The following TTBK1 variants were observed in gnomAD, a reference collection of about 807,000 sequenced individuals.
TTBK1 encodes tau-tubulin kinase 1.
TTBK1 carries 34 observed loss-of-function variants against 108.5 expected under a neutral mutation model. That is an observed-to-expected ratio of 0.31 (90% confidence interval 0.24 to 0.42). TTBK1 has a LOEUF of 0.42. Among genes scored for constraint, TTBK1 ranks in the 10% least tolerant of loss-of-function variants. The pLI is 1.00. For synonymous variants in TTBK1, 809 were observed against 795.1 expected, an observed-to-expected ratio of 1.02 and a Z score of -0.29; for missense variants, 1,539 against 1,826.0, an observed-to-expected ratio of 0.84 and a Z score of 2.86.
chr6:43,255,098 A>G lies in TTBK1; in HGVS notation c.626A>G (p.Asn209Ser). 1 of 1,569,900 alleles carries G rather than the reference A, an allele frequency of 6.4e-7. No individual in the cohort carries two copies. Among genetic ancestry groups the G allele is most frequent in the Non-Finnish European group, 8.7e-7 (1 of 1,152,022 alleles). The change falls in exon 7 of 15, where the codon AAT becomes AGT. Residue 209 changes from asparagine to serine, a missense_variant. Transcript: ENST00000259750. ...FRGTVRYASV[N>S]AHKNREMGRH... Reference sequence around the variant, plus strand: ...GGAACGGTTCGCTATGCCTCAGTCAATGCCCACAAGAACCGGGTGAGTGGC... The same window carrying G: ...GGAACGGTTCGCTATGCCTCAGTCAGTGCCCACAAGAACCGGGTGAGTGGC...
At chr6:43,244,224 T>C (rs72867578) in intron 1 of TTBK1, among the ~76,000 whole-genome samples, 5,218 of 150,300 alleles carry the variant, frequency 0.035, 112 homozygotes, top group Middle Eastern at 0.075. Context: ...GCCATTCCCC[T>C]CTGCCTCCCT....
intron 2 of TTBK1, among the ~76,000 whole-genome samples, chr6:43,250,482 A>G (rs549129294): frequency 6.7e-6 from 1 of 149,804 alleles, no homozygotes; most frequent in South Asian, 2.1e-4. Flanking sequence ...TCAGCATCCC[A>G]GGTAGCTGGG....
At chr6:43,284,566 T>C (rs1441609187) in intron 14 of TTBK1, among the ~76,000 whole-genome samples, 4 of 152,212 alleles carry the variant, frequency 2.6e-5, no homozygotes. Context: ...TAGGAAAAGC[T>C]GATGGGGGCC....
Position 43,275,409 on chromosome 6 carries a change from G to A in TTBK1, c.1987-7318G>A, listed in dbSNP as rs1230453967. Among the ~76,000 whole-genome samples the A allele has an allele frequency of 1.4e-4, 22 of 152,144 alleles. 1 individual carries two copies. On this transcript the variant is annotated intron_variant, in intron 13 of 14. Transcript: ENST00000259750. ...CCGTTTTCGTTTGCTTTTCCCTGCT[G>A]CTGGCTGGCGGCCTTTGGGTCCCTG...
intron 2 of TTBK1, among the ~76,000 whole-genome samples, chr6:43,248,478 T>C (rs1460846069): frequency 6.6e-6 from 1 of 152,018 alleles, no homozygotes; most frequent in Non-Finnish European, 1.5e-5. Context: ...ATCCCAGCAC[T>C]TTGGGAGGTT....
intron 9 of TTBK1, among the ~76,000 whole-genome samples, chr6:43,256,170 C>T (rs1314964160): frequency 6.7e-6 from 1 of 148,656 alleles, no homozygotes; most frequent in African/African-American, 2.5e-5. Flanking sequence ...TAATCTTGCT[C>T]TGTCACCCAG....
At position 43,284,015 on chromosome 6, in the gene TTBK1, T is replaced by TTGGACACAGCCATCACCAGCA; in HGVS notation, c.3275_3276insTGGACACAGCCATCACCAGCA (p.Leu1092_Val1093insGlyHisSerHisHisGlnGln). The TTGGACACAGCCATCACCAGCA allele has an allele frequency of 6.3e-7, 1 of 1,580,162 alleles. No homozygotes were observed. Among genetic ancestry groups the TTGGACACAGCCATCACCAGCA allele is most frequent in the South Asian group, 1.1e-5 (1 of 87,842 alleles). ...CGGCCGCAGCAGGACCTGGCGCGGC[T>TTGGACACAGCCATCACCAGCA]GGTGATGGAGAAGAGGCAGGGCCGC... On this transcript the variant is annotated inframe_insertion, in exon 14 of 15. Coordinates refer to ENST00000259750, the MANE Select transcript of TTBK1 (RefSeq NM_032538.3).
chr6:43,248,448 C>G (rs1777156621), intron 2 of TTBK1, among the ~76,000 whole-genome samples: 1 of 152,170 alleles, frequency 6.6e-6, no homozygotes. Context: ...GTGGACCAGG[C>G]ATGGTGGCCC....
At chr6:43,245,287 C>T (rs1777057315) in intron 1 of TTBK1, among the ~76,000 whole-genome samples, 1 of 152,168 alleles carries the variant, frequency 6.6e-6, no homozygotes, top group African/African-American at 2.4e-5. Context: ...AGTAACTTCC[C>T]TCTTTCTCTA....
rs542550738 is a variant in TTBK1 at position 43,259,323 on chromosome 6, C to T, written c.1248+54C>T. ...GTGGCCTTTTCTCTCACCCCCGATTCCCAGCCTTGTGCCCCTGCCCTGTTC... is the reference window on the plus strand; with the variant it reads ...GTGGCCTTTTCTCTCACCCCCGATTTCCAGCCTTGTGCCCCTGCCCTGTTC... On this transcript the variant is annotated intron_variant, in intron 11 of 14. Transcript: ENST00000259750. The surrounding 1 kb of genome is among the most constrained non-coding windows in gnomAD (Gnocchi z 6.7). 111 of 1,446,860 alleles carry T rather than the reference C, an allele frequency of 7.7e-5. No homozygotes were observed. The highest frequency in any genetic ancestry group is 1.8e-4 in the Middle Eastern group (1 of 5,422). The allele number at this position is 1,446,860 out of a possible 1,614,324, so 89.6% of individuals were successfully genotyped here. A position where few individuals can be genotyped will look rare whatever the true frequency, so the allele number is the denominator to read the frequency against.
At chr6:43,261,153 GTC>G (rs1777530509) in intron 12 of TTBK1, among the ~76,000 whole-genome samples, 1 of 152,088 alleles carries the variant, frequency 6.6e-6, no homozygotes, top group African/African-American at 2.4e-5. Context: ...ATTGTGCACA[GTC>G]AGACTGGGCA....
intron 1 of TTBK1, among the ~76,000 whole-genome samples, chr6:43,244,793 T>C (rs1031148639): frequency 1.3e-5 from 2 of 152,152 alleles, no homozygotes; most frequent in Non-Finnish European, 2.9e-5. Context: ...GTTTAGCTTC[T>C]GAAGGCCCCC....
At chr6:43,254,994 G>A in intron 6 of TTBK1, 55 bp from the exon 7 acceptor site, 1 of 1,541,852 alleles carries the variant, frequency 6.5e-7, no homozygotes. Flanking sequence ...AGGGTTGAGA[G>A]GTGGCTGAGG....
At chr6:43,270,652 G>A in intron 13 of TTBK1, 1 of 985,418 alleles carries the variant, frequency 1.0e-6, no homozygotes, top group Non-Finnish European at 1.2e-6. Context: ...CCTCCCCCAA[G>A]ACACCTGTGC....
rs1777413858 is a variant in TTBK1 at position 43,257,556 on chromosome 6, C to G, written c.862-256C>G. Reference sequence around the variant, plus strand: ...GGCAGAGGAGGTTTGAAGATGGTAACCAGGGGACAGATCTCAGAGGGTTCA... The same window carrying G: ...GGCAGAGGAGGTTTGAAGATGGTAAGCAGGGGACAGATCTCAGAGGGTTCA... On this transcript the variant is annotated intron_variant, in intron 9 of 14. Coordinates refer to ENST00000259750, the MANE Select transcript of TTBK1 (RefSeq NM_032538.3). This position sits in a 1 kb window ranked among gnomAD's most constrained non-coding sequence, Gnocchi z 4.5. Among the ~76,000 whole-genome samples, 1 of 152,132 alleles carries G rather than the reference C, an allele frequency of 6.6e-6. No homozygotes were observed. The highest frequency in any genetic ancestry group is 2.4e-5 in the African/African-American group (1 of 41,414).
intron 12 of TTBK1, among the ~76,000 whole-genome samples, chr6:43,260,171 G>T (rs1274243410): frequency 6.6e-6 from 1 of 152,214 alleles, no homozygotes. Flanking sequence ...AAGTCACAGA[G>T]GGGAGGGGAC....
At chr6:43,280,432 T>C (rs1211470807) in intron 13 of TTBK1, among the ~76,000 whole-genome samples, 1 of 152,202 alleles carries the variant, frequency 6.6e-6, no homozygotes, top group Non-Finnish European at 1.5e-5. Context: ...ATTGAGCAAC[T>C]GCTATATGCC....
chr6:43,275,033 G>A (rs1479772435), intron 13 of TTBK1, among the ~76,000 whole-genome samples: 3 of 152,046 alleles, frequency 2.0e-5, no homozygotes, highest in South Asian at 4.1e-4. Flanking sequence ...GGGTCCACTT[G>A]GCCACTCACT....
intron 2 of TTBK1, among the ~76,000 whole-genome samples, chr6:43,248,905 A>G (rs1458784006): frequency 6.6e-6 from 1 of 152,168 alleles, no homozygotes; most frequent in Non-Finnish European, 1.5e-5. Context: ...ATGACTTAGT[A>G]TTTGTTTTGA....
Sources: gnomAD v4.1 joint callset for allele counts (sites outside exome capture counted in the v4.1 genomes callset) on GRCh38, gnomAD v4.1.1 for gene constraint, Gnocchi (gnomAD v3.1) non-coding constraint, MANE v1.5 for transcripts, NCBI Gene and HGNC (gene_info 2026-07-23, HGNC 2026-07-21) for gene names.